ZC3H14: variants seen among roughly 807,000 people sequenced by gnomAD.
ZC3H14 encodes zinc finger CCCH-type containing 14.
In ZC3H14, 31 loss-of-function variants were observed where a neutral mutation model predicts 92.4. That is an observed-to-expected ratio of 0.34 (90% CI 0.25 to 0.45). The LOEUF (loss-of-function observed/expected upper bound fraction) is 0.45, where lower values mean the gene tolerates loss of function less well. Among genes scored for constraint, ZC3H14 ranks in the 20% least tolerant of loss-of-function variants. ZC3H14 has a pLI of 1.00. For missense variants in ZC3H14, 781 were observed against 897.3 expected, an observed-to-expected ratio of 0.87 and a Z score of 1.66; for synonymous variants, 321 against 300.9, an observed-to-expected ratio of 1.07 and a Z score of -0.69.
Position 88,616,935 on chromosome 14 carries a change from T to C in ZC3H14, c.*5184T>C. ...ATGGCAAGTGCGGGCAGGTTGACTA[T>C]ATTCAAAAAGTTTCTTGGCAATTAA... On this transcript the variant is annotated 3_prime_UTR_variant, in exon 17 of 17. Coordinates refer to ENST00000251038, the MANE Select transcript of ZC3H14 (RefSeq NM_024824.5). 1 of 1,556,700 alleles carries C rather than the reference T, an allele frequency of 6.4e-7. No homozygotes were observed.
chr14:88,611,637 T>C (rs1429892446), intron 16 of ZC3H14, 108 bp from the exon 17 acceptor site: 14 of 1,322,442 alleles, frequency 1.1e-5, no homozygotes, highest in South Asian at 3.8e-5. Context: ...TGTAATCTTA[T>C]GACCAAATAT....
rs763874854 is a variant in ZC3H14 at position 88,616,916 on chromosome 14, AGTG to A, written c.*5166_*5168del. ...GAACAAAAGAAAACTCATCATGGCA[AGTG>A]CGGGCAGGTTGACTATATTCAAAAA... On this transcript the variant is annotated 3_prime_UTR_variant, in exon 17 of 17. Transcript: ENST00000251038. 4 of 1,602,190 alleles carry A rather than the reference AGTG, an allele frequency of 2.5e-6. No individual in the cohort carries two copies. Among genetic ancestry groups the A allele is most frequent in the Non-Finnish European group, 3.4e-6 (4 of 1,173,112 alleles).
intron 10 of ZC3H14, among the ~76,000 whole-genome samples, chr14:88,597,450 C>T (rs1401311254): frequency 6.6e-6 from 1 of 152,236 alleles, no homozygotes; most frequent in Admixed American, 6.5e-5. Context: ...CTCAGTCCTT[C>T]TGTTTCCCCT....
At chr14:88,568,566 G>A (rs1170776096) in intron 3 of ZC3H14, among the ~76,000 whole-genome samples, 2 of 152,102 alleles carry the variant, frequency 1.3e-5, no homozygotes, top group African/African-American at 4.8e-5. Context: ...AGAACATCAT[G>A]GGGGAAACCA....
intron 2 of ZC3H14, among the ~76,000 whole-genome samples, chr14:88,564,816 C>G (rs999060689): frequency 1.3e-5 from 2 of 152,128 alleles, no homozygotes; most frequent in Non-Finnish European, 2.9e-5. Context: ...TAGAAATGCT[C>G]ATAAAACATT....
chr14:88,590,220 C>G (rs898813475), intron 9 of ZC3H14: 1 of 152,322 alleles, frequency 6.6e-6, no homozygotes, highest in East Asian at 1.9e-4. Flanking sequence ...GGTGTGCCTG[C>G]TTTCAAACTT....
At chr14:88,577,860 C>T (rs563109540) in intron 8 of ZC3H14, 125 bp from the exon 9 acceptor site, 48 of 1,268,992 alleles carry the variant, frequency 3.8e-5, no homozygotes, top group Admixed American at 7.2e-5. Flanking sequence ...TGAGCCACTG[C>T]GCCCAGCCTG....
chr14:88,587,664 G>T (rs2082621118), intron 9 of ZC3H14, among the ~76,000 whole-genome samples: 1 of 152,170 alleles, frequency 6.6e-6, no homozygotes, highest in Non-Finnish European at 1.5e-5. Context: ...TATTTAGTCT[G>T]GGCATGGTTG....
At position 88,625,017 on chromosome 14, in the gene ZC3H14, G is replaced by GTACA; in HGVS notation, c.*13268_*13271dup. The GTACA allele has an allele frequency of 6.2e-7, 1 of 1,613,734 alleles. No individual in the cohort carries two copies. The highest frequency in any genetic ancestry group is 8.5e-7 in the Non-Finnish European group (1 of 1,179,716). ...CGATAAGTCCATCTCGCAGGGTGGT[G>GTACA]TACATGGCAAACACAGGCCCGTTGT... On this transcript the variant is annotated 3_prime_UTR_variant, in exon 17 of 17. Coordinates refer to ENST00000251038, the MANE Select transcript of ZC3H14 (RefSeq NM_024824.5).
intron 9 of ZC3H14, among the ~76,000 whole-genome samples, chr14:88,592,926 C>A (rs1255778689): frequency 6.6e-6 from 1 of 151,514 alleles, no homozygotes; most frequent in Non-Finnish European, 1.5e-5. Context: ...AAATTAAGGA[C>A]CTTACAAGAT....
chr14:88,602,244 A>C (rs894452742), intron 11 of ZC3H14, among the ~76,000 whole-genome samples, 161 bp downstream of exon 11: 3 of 152,218 alleles, frequency 2.0e-5, no homozygotes, highest in Non-Finnish European at 4.4e-5. Flanking sequence ...TTCAGTTTTC[A>C]AGAATTCCAG....
At position 88,627,503 on chromosome 14, in the gene ZC3H14, G is replaced by A. The variant is rs2090089764; in HGVS notation, c.*15752G>A. On this transcript the variant is annotated 3_prime_UTR_variant, in exon 17 of 17. Transcript: ENST00000251038. ...GCTTTTAAAGTGAAATATACCTACA[G>A]TACCACTGTGTACAGTATATTGCAT... The A allele has an allele frequency of 1.4e-6, 1 of 726,574 alleles. No homozygotes were observed. The highest frequency in any genetic ancestry group is 2.1e-6 in the Non-Finnish European group (1 of 469,406). The allele number at this position is 726,574 out of a possible 1,614,324, so 45.0% of individuals were successfully genotyped here.
intron 16 of ZC3H14, among the ~76,000 whole-genome samples, 193 bp downstream of exon 16, chr14:88,611,133 T>TA (rs2086639513): frequency 1.3e-5 from 2 of 152,204 alleles, no homozygotes; most frequent in Admixed American, 6.5e-5. Context: ...ATCCAGTGGT[T>TA]ACTTTTTTAA....
At chr14:88,574,512 G>A in intron 6 of ZC3H14, 181 bp from the exon 7 acceptor site, 1 of 709,878 alleles carries the variant, frequency 1.4e-6, no homozygotes, top group Non-Finnish European at 2.3e-6. Flanking sequence ...CAAAGTGCTA[G>A]GATTACAGAT....
intron 4 of ZC3H14, 147 bp downstream of exon 4, chr14:88,571,271 T>G: frequency 5.1e-6 from 3 of 590,538 alleles, no homozygotes; most frequent in Non-Finnish European, 5.6e-6. Context: ...TTTATGAACT[T>G]AAGAGCAGTA....
intron 10 of ZC3H14, among the ~76,000 whole-genome samples, chr14:88,598,655 G>A (rs535312553): frequency 6.6e-6 from 1 of 152,226 alleles, no homozygotes; most frequent in South Asian, 2.1e-4. Flanking sequence ...AGGTGATTTT[G>A]TCGTAGCATC....
chr14:88,571,279 G>A (rs2080353518), intron 4 of ZC3H14, among the ~76,000 whole-genome samples, 155 bp downstream of exon 4: 1 of 152,094 alleles, frequency 6.6e-6, no homozygotes, highest in Non-Finnish European at 1.5e-5. Context: ...CTTAAGAGCA[G>A]TAAATTTAAC....
chr14:88,602,081 A>C lies in ZC3H14; in HGVS notation c.1512A>C (p.Thr504=). Residue 504 remains threonine, a splice_region_variant and synonymous_variant, in exon 11 of 17, where the codon ACA becomes ACC. Transcript: ENST00000251038. The part of the protein sequence containing the change: ...LRVLSGHLMQ[T]RDLVQPDKPA... ...TACTTTCAGGACACCTTATGCAGAC[A>C]CGGTAGATGGTTTCTTTTTCTTGTG... The C allele has an allele frequency of 6.2e-7, 1 of 1,613,946 alleles. No homozygotes were observed. The highest frequency in any genetic ancestry group is 1.1e-5 in the South Asian group (1 of 91,084).
chr14:88,571,148 T>A (rs769697988), intron 4 of ZC3H14, 24 bp downstream of exon 4: 48 of 1,563,636 alleles, frequency 3.1e-5, no homozygotes, highest in Admixed American at 1.2e-4. Context: ...CTTTTTTTTT[T>A]AATTTCTGCT....
Sources: allele counts gnomAD v4.1 joint callset (sites outside exome capture counted in the v4.1 genomes callset), GRCh38; gene constraint gnomAD v4.1.1; transcripts MANE v1.5; gene names NCBI Gene and HGNC (gene_info 2026-07-23, HGNC 2026-07-21).